The following ZBTB4 variants were observed in gnomAD, a reference collection of about 807,000 sequenced individuals.
The protein encoded by ZBTB4 is zinc finger and BTB domain-containing protein 4.
In ZBTB4, 14 loss-of-function variants were observed where a neutral mutation model predicts 59.8. That is an observed-to-expected ratio of 0.23 (90% CI 0.15 to 0.37). The LOEUF is 0.37. Among genes scored for constraint, ZBTB4 ranks in the 10% least tolerant of loss-of-function variants. The pLI, the probability that ZBTB4 is intolerant of heterozygous loss-of-function variation, is 1.00. For synonymous variants in ZBTB4, 587 were observed against 575.2 expected (o/e 1.02, Z -0.29); for missense variants, 1,198 against 1,380.8 (o/e 0.87, Z 2.10).
chr17:7,464,444 A>C (rs886603854), intron 3 of ZBTB4, among the ~76,000 whole-genome samples: 1 of 151,020 alleles, frequency 6.6e-6, no homozygotes, highest in African/African-American at 2.4e-5. Context: ...AAAAAAAAAA[A>C]AAAAAAAACC....
In ZBTB4 at chr17:7,463,742, G is replaced by A; in HGVS notation, c.1240C>T (p.Leu414Phe). ...GYKPKLNTLK[L>F]YRLLPMRAAK... ...GCCCGCATGGGGAGCAGGCGGTAGA[G>A]CTTGAGTGTATTGAGCTTGGGCTTG... is the stretch of plus-strand genomic sequence containing the variant. Residue 414 changes from leucine to phenylalanine, a missense_variant, in exon 4 of 4, where the codon CTC (leucine) becomes TTC (phenylalanine). Physicochemically the swap from Leu to Phe is conservative, Grantham distance 22 (BLOSUM62 0). This residue lies in a region of ZBTB4 where 60 missense variants were observed against 93.0 expected (regional missense o/e 0.64). Coordinates refer to ENST00000380599, the MANE Select transcript of ZBTB4 (RefSeq NM_001128833.2). The A allele has an allele frequency of 1.2e-6, 2 of 1,614,066 alleles. No individual in the cohort carries two copies. Among genetic ancestry groups the A allele is most frequent in the East Asian group, 2.2e-5 (1 of 44,888 alleles).
At chr17:7,472,634 C>CTT (rs71157290) in intron 1 of ZBTB4, among the ~76,000 whole-genome samples, 14,805 of 72,928 alleles carry the variant, frequency 0.2, 3,692 homozygotes, top group South Asian at 0.3. Context: ...CCTGGCCATT[C>CTT]TTTTTTTTTT....
At chr17:7,483,098 G>A, upstream of ZBTB4, 1 of 1,561,526 alleles carries the variant, frequency 6.4e-7, no homozygotes, top group Non-Finnish European at 8.7e-7. Flanking sequence ...GAAAAGAACT[G>A]GTGTGGGAGA....
In ZBTB4 at chr17:7,462,918, C is replaced by G. The variant is rs745442421; in HGVS notation, c.2064G>C (p.Gly688=). 1.2e-6 allele frequency: 2 copies of G among 1,608,540 alleles called. No individual in the cohort carries two copies. The highest frequency in any genetic ancestry group is 1.7e-6 in the Non-Finnish European group (2 of 1,179,128). The change falls in exon 4 of 4, where the codon GGG becomes GGC. Residue 688 remains glycine (G), a synonymous_variant. Transcript: ENST00000380599. The surrounding 1 kb of genome is among the most constrained non-coding windows in gnomAD (Gnocchi z 7.5). ...GTGGTGGCCGGCGGCCTCGGGGCAG[C>G]CCACTGCCCCCCACACTGGCACCTC... ...AAGGASVGGS[G]LPRGRRPPRW... is the part of the protein sequence containing the mutation.
chr17:7,480,883 G>C (rs1265954652), upstream of ZBTB4, among the ~76,000 whole-genome samples: 1 of 151,958 alleles, frequency 6.6e-6, no homozygotes, highest in African/African-American at 2.4e-5. Flanking sequence ...GGCTGGGCAC[G>C]GTGGCTCATG....
rs2070002993 is a variant in ZBTB4 at position 7,460,335 on chromosome 17, A to G, written c.*1605T>C. 1 of 152,610 alleles carries G rather than the reference A, an allele frequency of 6.6e-6. No individual in the cohort carries two copies. The highest frequency in any genetic ancestry group is 2.4e-5 in the African/African-American group (1 of 41,446). The allele number at this position is 152,610 out of a possible 1,614,324, so 9.5% of individuals were successfully genotyped here. On this transcript the variant is annotated 3_prime_UTR_variant, in exon 4 of 4. Transcript: ENST00000380599. Reference sequence around the variant, plus strand: ...ATGCTGGGAGGGTATGAGGGGTAGGAGGATGGTCCTGGCCCTCCCTAAACT... The same window carrying G: ...ATGCTGGGAGGGTATGAGGGGTAGGGGGATGGTCCTGGCCCTCCCTAAACT...
At chr17:7,483,398 C>T (rs1166292943), upstream of ZBTB4, 6 of 290,446 alleles carry the variant, frequency 2.1e-5, no homozygotes, top group Non-Finnish European at 4.0e-5. Context: ...GCCTCCCCAC[C>T]CCTCCCCTCA....
intron 2 of ZBTB4, 141 bp downstream of exon 2, chr17:7,467,116 T>C: frequency 2.6e-6 from 3 of 1,159,980 alleles, no homozygotes; most frequent in Non-Finnish European, 3.2e-6. Context: ...CAAATCTCTC[T>C]CATGGGAAGG....
intron 1 of ZBTB4, among the ~76,000 whole-genome samples, chr17:7,472,507 T>G (rs2070211851): frequency 6.6e-6 from 1 of 151,860 alleles, no homozygotes; most frequent in African/African-American, 2.4e-5. Flanking sequence ...TTTTTTGTAT[T>G]TTTAGTAGAG....
chr17:7,473,464 C>T (rs4505398), intron 1 of ZBTB4, among the ~76,000 whole-genome samples: 146,077 of 152,068 alleles, frequency 0.96, 70,434 homozygotes, highest in Middle Eastern at 1. Context: ...TTCACCATGT[C>T]GGCCTGGCTG....
chr17:7,482,472 T>C, upstream of ZBTB4: 9 of 1,614,000 alleles, frequency 5.6e-6, no homozygotes, highest in Non-Finnish European at 7.6e-6. Context: ...TGTGGACTGT[T>C]GGGCAGCATC....
At chr17:7,472,634 CTTTTT>C (rs71157290) in intron 1 of ZBTB4, among the ~76,000 whole-genome samples, 24 of 72,916 alleles carry the variant, frequency 3.3e-4, no homozygotes, top group African/African-American at 1.3e-3. Flanking sequence ...CCTGGCCATT[CTTTTT>C]TTTTTTTTTT....
Position 7,466,452 on chromosome 17 carries a change from G to T in ZBTB4, c.350C>A (p.Pro117His), listed in dbSNP as rs1476421855. Reference protein sequence around the residue: ...SSSSSPPPASPPASSPPRVLE... With the variant: ...SSSSSPPPASHPASSPPRVLE... ...GACCCGGGGTGGGGAAGAAGCAGGGGGAGAGGCTGGAGGGGGAGAGGAAGA... is the reference window on the plus strand; with the variant it reads ...GACCCGGGGTGGGGAAGAAGCAGGGTGAGAGGCTGGAGGGGGAGAGGAAGA... Residue 117 changes from proline (P) to histidine (H), a missense_variant, in exon 3 of 4, where the codon CCC becomes CAC. This residue lies in a region of ZBTB4 where 83 missense variants were observed against 76.5 expected (regional missense o/e 1.09). Transcript: ENST00000380599. This position sits in a 1 kb window ranked among gnomAD's most constrained non-coding sequence, Gnocchi z 9.1. The T allele has an allele frequency of 6.2e-7, 1 of 1,613,082 alleles. No individual in the cohort carries two copies.
chr17:7,478,960 G>A (rs972151341), intron 1 of ZBTB4, among the ~76,000 whole-genome samples: 2 of 152,110 alleles, frequency 1.3e-5, no homozygotes, highest in Admixed American at 6.5e-5. Context: ...ACGGCGCGGC[G>A]GTTCCGGGGC....
At position 7,463,234 on chromosome 17, in the gene ZBTB4, C is replaced by A; in HGVS notation, c.1748G>T (p.Gly583Val). ...GCCCCGGCCAGCCCCTGTGGGGGGA[C>A]CCCCACCTCCACCAATCCCGCCCAC... ...KPVGGIGGGG[G>V]PPTGAGRGPS... The change falls in exon 4 of 4, where the codon GGT becomes GTT. Residue 583 changes from glycine (G) to valine (V), a missense_variant. By Grantham distance (109) the Gly-to-Val change is moderately radical. Transcript: ENST00000380599. 6.2e-7 allele frequency: 1 copy of A among 1,610,998 alleles called. No individual in the cohort carries two copies.
upstream of ZBTB4, among the ~76,000 whole-genome samples, chr17:7,480,692 C>T (rs999155022): frequency 1.1e-4 from 17 of 152,024 alleles, no homozygotes; most frequent in African/African-American, 3.9e-4. Context: ...TGCACTCCAG[C>T]CTGGGCGACA....
At chr17:7,467,004 T>C (rs1032958487) in intron 2 of ZBTB4, among the ~76,000 whole-genome samples, 194 bp from the exon 3 acceptor site, 3 of 152,142 alleles carry the variant, frequency 2.0e-5, no homozygotes, top group Admixed American at 6.5e-5. Flanking sequence ...CCAGTATGTC[T>C]AACTCACTTC....
chr17:7,463,053 C>G lies in ZBTB4; in HGVS notation c.1929G>C (p.Glu643Asp), dbSNP rs769744532. 9 of 1,610,976 alleles carry G rather than the reference C, an allele frequency of 5.6e-6. No individual in the cohort carries two copies. The Admixed American group carries it at 6.7e-5, about 12-fold the overall frequency. Residue 643 changes from glutamate (E) to aspartate (D), a missense_variant, in exon 4 of 4, where the codon GAG (glutamate) becomes GAC (aspartate). Glu to Asp is a conservative substitution (Grantham distance 45). Coordinates refer to ENST00000380599, the MANE Select transcript of ZBTB4 (RefSeq NM_001128833.2). ...CATCCTCCTCCTCCTCCTCTTCGTC[C>G]TCCTCCTCTTCGTCCTCCTCACTCT... ...MEESEEDEEE[E>D]DEEEEEEDEE...
Position 7,463,416 on chromosome 17 carries a change from G to A in ZBTB4, c.1566C>T (p.Tyr522=), listed in dbSNP as rs1174854113. Residue 522 remains tyrosine, a synonymous_variant, in exon 4 of 4, where the codon TAC becomes TAT. Transcript: ENST00000380599. The part of the protein sequence containing the change: ...APPRPPKKRE[Y]PPPPPEPAAT... Reference sequence around the variant, plus strand: ...CTGCAGGCTCAGGGGGAGGAGGTGGGTATTCTCGTTTCTTGGGTGGCCTCG... The same window carrying A: ...CTGCAGGCTCAGGGGGAGGAGGTGGATATTCTCGTTTCTTGGGTGGCCTCG... The A allele has an allele frequency of 2.3e-5, 37 of 1,574,740 alleles. No individual in the cohort carries two copies. The highest frequency in any genetic ancestry group is 3.2e-5 in the Non-Finnish European group (37 of 1,160,918).
Sources: gnomAD v4.1 joint callset for allele counts (sites outside exome capture counted in the v4.1 genomes callset) on GRCh38, gnomAD v4.1.1 for gene constraint, gnomAD v4.1.1 regional missense constraint, Gnocchi (gnomAD v3.1) non-coding constraint, MANE v1.5 for transcripts, NCBI Gene and HGNC (gene_info 2026-07-23, HGNC 2026-07-21) for gene names.